POTEB3: variants seen among roughly 807,000 people sequenced by gnomAD.
The protein encoded by POTEB3 is POTE ankyrin domain family member B3.
A neutral mutation model predicts 39.8 loss-of-function variants in POTEB3; 5 were observed. That is an observed-to-expected ratio of 0.13 (90% CI 0.07 to 0.26). POTEB3 has a LOEUF of 0.26. POTEB3 is among the 10% of genes least tolerant of loss of function. The pLI, the probability that POTEB3 is intolerant of heterozygous loss-of-function variation, is 1.00. For missense variants in POTEB3, 24 were observed against 475.6 expected, an observed-to-expected ratio of 0.05 and a Z score of 8.83; for synonymous variants, 5 against 161.5, an observed-to-expected ratio of 0.03 and a Z score of 7.35.
At chr15:21,434,371 A>G (rs1363115309) in intron 3 of POTEB3, among the ~76,000 whole-genome samples, 2 of 127,806 alleles carry the variant, frequency 1.6e-5, no homozygotes, top group African/African-American at 6.4e-5. Flanking sequence ...TTAGGGAAAA[A>G]AAAACTTGGC....
chr15:21,434,185 G>C (rs1899098652), intron 3 of POTEB3, among the ~76,000 whole-genome samples: 1 of 140,230 alleles, frequency 7.1e-6, no homozygotes, highest in Non-Finnish European at 1.5e-5. Context: ...TGCCTCATGA[G>C]CAATCAGAAA....
chr15:21,422,984 C>CA (rs144436430), intron 6 of POTEB3, among the ~76,000 whole-genome samples: 3 of 147,372 alleles, frequency 2.0e-5, no homozygotes, highest in African/African-American at 7.5e-5. Context: ...CTGTTTTCTG[C>CA]AAAAATAGTA....
chr15:21,422,680 C>A (rs1289648855), intron 6 of POTEB3, among the ~76,000 whole-genome samples: 3 of 148,134 alleles, frequency 2.0e-5, no homozygotes, highest in Admixed American at 2.0e-4. Flanking sequence ...GTTAAGAAAA[C>A]AAATTCCTTT....
In POTEB3 at chr15:21,410,893, C is replaced by A; in HGVS notation, c.1518G>T (p.Lys506Asn). ...AAGAAAATACCTTAGAATTCATTTC[C>A]TTTTCAGCCACTTCTATCTGCTTTT... The part of the protein sequence containing the change: ...NKQKQIEVAE[K>N]EMNSKLSLSH... Residue 506 changes from lysine (K) to asparagine (N), a missense_variant, in exon 10 of 11, where the codon AAG (lysine) becomes AAT (asparagine). By Grantham distance (94) the Lys-to-Asn change is moderately conservative. Coordinates refer to ENST00000611217, the MANE Select transcript of POTEB3 (RefSeq NM_207355.5). 1 of 1,093,122 alleles carries A rather than the reference C, an allele frequency of 9.1e-7. No homozygotes were observed. 67.7% of individuals were successfully genotyped at this position (1,093,122 alleles called of 1,614,324 possible).
chr15:21,434,387 A>C (rs1159721272), intron 3 of POTEB3, among the ~76,000 whole-genome samples: 2,311 of 116,012 alleles, frequency 0.02, 1 homozygote, highest in African/African-American at 0.046. Flanking sequence ...TTGGCAGGGA[A>C]AAATTGAAAA....
chr15:21,433,936 AC>A (rs1389479763), intron 3 of POTEB3, among the ~76,000 whole-genome samples: 1 of 150,226 alleles, frequency 6.7e-6, no homozygotes, highest in Non-Finnish European at 1.5e-5. Context: ...CAACCCACTA[AC>A]TCCCTCTCCC....
chr15:21,429,305 G>C, intron 5 of POTEB3, among the ~76,000 whole-genome samples: 1 of 151,708 alleles, frequency 6.6e-6, no homozygotes, highest in East Asian at 1.9e-4. Context: ...TGTAGATCTG[G>C]TAGCAAAGAA....
intron 6 of POTEB3, among the ~76,000 whole-genome samples, chr15:21,422,693 C>G (rs1287982500): frequency 0.024 from 3,479 of 144,416 alleles, 10 homozygotes; most frequent in African/African-American, 0.039. Flanking sequence ...ATTCCTTTAC[C>G]ATCTCCCCTC....
At chr15:21,425,774 G>A (rs1898672498) in intron 6 of POTEB3, among the ~76,000 whole-genome samples, 1 of 151,734 alleles carries the variant, frequency 6.6e-6, no homozygotes, top group South Asian at 2.1e-4. Flanking sequence ...AGAACAAGAT[G>A]TTTGGAGCTG....
Position 21,405,819 on chromosome 15 carries a change from G to C in POTEB3, c.*3164C>G, listed in dbSNP as rs1898218723. Among the ~76,000 whole-genome samples the C allele has an allele frequency of 2.4e-5, 2 of 83,232 alleles. No homozygotes were observed. The highest frequency in any genetic ancestry group is 2.1e-5 in the Non-Finnish European group (1 of 46,756). The allele number at this position is 83,232 out of a possible 152,430, so 54.6% of individuals were successfully genotyped here. On this transcript the variant is annotated 3_prime_UTR_variant, in exon 11 of 11. Transcript: ENST00000611217. ...AGATGTTGAATATCTTTTCTGGCTT[G>C]TACAGTTTCAGTTGAGAGGTCTGCT...
At chr15:21,422,765 C>T (rs1480836636) in intron 6 of POTEB3, among the ~76,000 whole-genome samples, 4 of 151,546 alleles carry the variant, frequency 2.6e-5, no homozygotes, top group African/African-American at 9.7e-5. Flanking sequence ...TTCTTGTTTT[C>T]CCTCAATGCA....
At chr15:21,430,876 T>C (rs1376882598) in intron 4 of POTEB3, among the ~76,000 whole-genome samples, 5 of 152,004 alleles carry the variant, frequency 3.3e-5, no homozygotes, top group Admixed American at 1.3e-4. Context: ...CCAATAAGCA[T>C]GTGCTACGCA....
intron 6 of POTEB3, among the ~76,000 whole-genome samples, chr15:21,422,866 GC>G (rs1156896700): frequency 6.7e-6 from 1 of 150,186 alleles, no homozygotes; most frequent in African/African-American, 2.5e-5. Context: ...GCCTATATAA[GC>G]CAAGCCCTGT....
chr15:21,422,742 T>C (rs1460893778), intron 6 of POTEB3, among the ~76,000 whole-genome samples: 5 of 151,366 alleles, frequency 3.3e-5, no homozygotes, highest in African/African-American at 9.7e-5. Context: ...TACAAATGCA[T>C]ATATTTTGCA....
At chr15:21,419,812 C>T (rs1188615942) in intron 8 of POTEB3, among the ~76,000 whole-genome samples, 182 bp from the exon 9 acceptor site, 5 of 139,982 alleles carry the variant, frequency 3.6e-5, no homozygotes, top group Non-Finnish European at 7.7e-5. Context: ...ATTATCATGT[C>T]ATTAGTATAT....
intron 10 of POTEB3, among the ~76,000 whole-genome samples, 172 bp downstream of exon 10, chr15:21,410,706 A>G (rs1226717190): frequency 1.2e-5 from 1 of 80,788 alleles, no homozygotes; most frequent in Non-Finnish European, 2.2e-5. Context: ...ATATAGATAT[A>G]TGACCAAGGA....
At chr15:21,433,782 T>C (rs1298789017) in intron 3 of POTEB3, among the ~76,000 whole-genome samples, 2 of 151,070 alleles carry the variant, frequency 1.3e-5, no homozygotes, top group Non-Finnish European at 3.0e-5. Flanking sequence ...GAGACTCTAA[T>C]TGGCCATTTC....
rs1466669725 is a variant in POTEB3, at chr15:21,419,815, T to A, written c.1243-185A>T. Among the ~76,000 whole-genome samples, 2 of 140,346 alleles carry A rather than the reference T, an allele frequency of 1.4e-5. 1 individual carries two copies. Among genetic ancestry groups the A allele is most frequent in the Non-Finnish European group, 3.1e-5 (2 of 65,016 alleles). 92.1% of individuals were successfully genotyped at this position (140,346 alleles called of 152,430 possible). A position where few individuals can be genotyped will look rare whatever the true frequency, so the allele number is the denominator to read the frequency against. On this transcript the variant is annotated intron_variant, in intron 8 of 10. Coordinates refer to ENST00000611217, the MANE Select transcript of POTEB3 (RefSeq NM_207355.5). The stretch of plus-strand genomic sequence containing the variant: ...TTTTAAGATGTAATTATCATGTCAT[T>A]AGTATATCACTGAAATTTTTGTAGT...
chr15:21,423,176 C>G (rs1381756630), intron 6 of POTEB3, among the ~76,000 whole-genome samples: 1 of 136,916 alleles, frequency 7.3e-6, no homozygotes, highest in Non-Finnish European at 1.6e-5. Flanking sequence ...TCTCAGCTCA[C>G]TGCAACCTCT....
Sources: gnomAD v4.1 joint callset for allele counts (sites outside exome capture counted in the v4.1 genomes callset) on GRCh38, gnomAD v4.1.1 for gene constraint, MANE v1.5 for transcripts, NCBI Gene and HGNC (gene_info 2026-07-23, HGNC 2026-07-21) for gene names.